PAK3: variants seen among roughly 807,000 people sequenced by gnomAD.
PAK3 encodes serine/threonine-protein kinase PAK 3.
Under a neutral mutation model 41.0 loss-of-function variants are expected in PAK3, and 4 were observed. The observed-to-expected ratio is 0.10, with a 90% confidence interval of 0.05 to 0.22. The LOEUF (loss-of-function observed/expected upper bound fraction) is 0.22. Among genes scored for constraint, PAK3 ranks in the 10% least tolerant of loss-of-function variants. PAK3 has a pLI of 1.00. For synonymous variants in PAK3, 146 were observed against 139.6 expected, an observed-to-expected ratio of 1.05 and a Z score of -0.32; for missense variants, 205 against 409.9, an observed-to-expected ratio of 0.50 and a Z score of 4.32.
At position 111,163,040 on chromosome X, in the gene PAK3, A is replaced by G. The variant is rs749903641; in HGVS notation, c.594A>G (p.Thr198=). ...TTATCGCACCAAGACCAGAGCATAC[A>G]AAATCAGTAAGTCACAAAGGACTAT... The part of the protein sequence containing the change: ...PPVIAPRPEH[T]KSIYTRSVVE... Residue 198 remains threonine (T), a synonymous_variant, in exon 9 of 18, where the codon ACA becomes ACG. Coordinates refer to ENST00000372007, the MANE Select transcript of PAK3 (RefSeq NM_002578.5). 8.3e-6 allele frequency: 10 copies of G among 1,205,452 alleles called. No homozygotes were observed. In the Admixed American group the frequency reaches 1.3e-4, roughly 16 times the overall value.
At chrX:111,164,366 A>T (rs759978575) in intron 10 of PAK3, among the ~76,000 whole-genome samples, 7 of 111,221 alleles carry the variant, frequency 6.3e-5, no homozygotes, top group Non-Finnish European at 1.9e-5. Context: ...TTAAACTCAT[A>T]CTATAAAAGC....
chrX:111,179,651 A>G (rs1213201188), intron 11 of PAK3, among the ~76,000 whole-genome samples: 1 of 111,533 alleles, frequency 9.0e-6, no homozygotes, highest in Non-Finnish European at 1.9e-5. Flanking sequence ...ATTTGTTCAA[A>G]TCAACATCCA....
At chrX:111,059,202 A>C (rs1042472492) in intron 1 of PAK3, among the ~76,000 whole-genome samples, 16 of 101,106 alleles carry the variant, frequency 1.6e-4, no homozygotes, top group Non-Finnish European at 2.2e-4. Context: ...ACAGGGTATC[A>C]CTTTGTCACC....
chrX:111,001,456 G>A (rs2091847254), intron 1 of PAK3, among the ~76,000 whole-genome samples: 1 of 112,092 alleles, frequency 8.9e-6, no homozygotes, highest in South Asian at 3.8e-4. Flanking sequence ...GTGTGGCACT[G>A]GTATCACACA....
intron 4 of PAK3, among the ~76,000 whole-genome samples, chrX:111,118,298 G>C (rs2093503462): frequency 9.0e-6 from 1 of 111,315 alleles, no homozygotes; most frequent in Non-Finnish European, 1.9e-5. Flanking sequence ...GCATAGGCTA[G>C]TTAGCAAAGC....
At chrX:111,192,640 GTACTTATA>G in intron 13 of PAK3, 22 bp downstream of exon 13, 2 of 725,620 alleles carry the variant, frequency 2.8e-6, no homozygotes, top group Non-Finnish European at 4.4e-6. Context: ...GTCTTATTAT[GTACTTATA>G]TTCTTTGTGG....
At position 111,220,684 on chromosome X, in the gene PAK3, C is replaced by CAA; in HGVS notation, c.*237_*238insAA. On this transcript the variant is annotated 3_prime_UTR_variant, in exon 18 of 18. Transcript: ENST00000372007. ...TGAAGTGACCATAAAGTGGTCACTT[C>CAA]CACCGTGAAGCGAAAGAGCCAGTAG... 4 of 401,773 alleles carry CAA rather than the reference C, an allele frequency of 1.0e-5. No individual in the cohort carries two copies. The highest frequency in any genetic ancestry group is 4.1e-5 in the South Asian group (1 of 24,488). The allele number at this position is 401,773 out of a possible 1,213,427, so 33.1% of individuals were successfully genotyped here. A position where few individuals can be genotyped will look rare whatever the true frequency, so the allele number is the denominator to read the frequency against.
intron 1 of PAK3, among the ~76,000 whole-genome samples, chrX:111,008,644 G>A (rs187779509): frequency 1.2e-3 from 137 of 112,586 alleles, no homozygotes; most frequent in Admixed American, 3.1e-3. Context: ...CTTGCTGGGT[G>A]ACTTTCTAGC....
At chrX:110,987,733 C>G (rs1413249900) in intron 1 of PAK3, among the ~76,000 whole-genome samples, 1 of 111,072 alleles carries the variant, frequency 9.0e-6, no homozygotes, top group South Asian at 3.9e-4. Flanking sequence ...TGGTGGTTGA[C>G]CTGGAATTTG....
intron 1 of PAK3, among the ~76,000 whole-genome samples, chrX:111,023,581 A>G (rs746690618): frequency 8.9e-6 from 1 of 112,114 alleles, no homozygotes; most frequent in African/African-American, 3.2e-5. Context: ...AATGATTGCC[A>G]TTCTAACAGG....
chrX:111,073,136 G>A (rs2092759054), intron 1 of PAK3, among the ~76,000 whole-genome samples: 1 of 111,261 alleles, frequency 9.0e-6, no homozygotes, highest in African/African-American at 3.3e-5. Context: ...GACTGGGTTG[G>A]AGGGGCTACC....
At chrX:111,017,322 T>C (rs1453831592) in intron 1 of PAK3, among the ~76,000 whole-genome samples, 1 of 110,879 alleles carries the variant, frequency 9.0e-6, no homozygotes, top group Non-Finnish European at 1.9e-5. Flanking sequence ...TTTGAAAAGA[T>C]CAACAAAATT....
chrX:111,052,387 A>G (rs1037656328), intron 1 of PAK3, among the ~76,000 whole-genome samples: 1 of 112,558 alleles, frequency 8.9e-6, no homozygotes, highest in African/African-American at 3.2e-5. Flanking sequence ...TTTGTCATAG[A>G]TAATACAAAT....
intron 1 of PAK3, among the ~76,000 whole-genome samples, chrX:111,080,569 C>G (rs760835833): frequency 1.8e-5 from 2 of 112,005 alleles, no homozygotes; most frequent in Admixed American, 1.9e-4. Flanking sequence ...GCAATATTTG[C>G]TTTAATTGAA....
At chrX:110,951,162 C>T (rs756120018) in intron 1 of PAK3, among the ~76,000 whole-genome samples, 4 of 111,563 alleles carry the variant, frequency 3.6e-5, no homozygotes, top group Non-Finnish European at 7.5e-5. Context: ...TAACTGGGTT[C>T]TCCTTCTTTT....
At chrX:111,214,186 T>C (rs1254393000) in intron 16 of PAK3, among the ~76,000 whole-genome samples, 4 of 112,114 alleles carry the variant, frequency 3.6e-5, no homozygotes, top group Non-Finnish European at 7.5e-5. Context: ...CACACATTGC[T>C]ATGCAAGACA....
chrX:111,050,312 A>G (rs2092545188), intron 1 of PAK3, among the ~76,000 whole-genome samples: 1 of 111,459 alleles, frequency 9.0e-6, no homozygotes, highest in African/African-American at 3.3e-5. Context: ...ATATCAAGAT[A>G]AGCAATGGAG....
At chrX:111,094,675 A>G (rs1439997180), upstream of PAK3, among the ~76,000 whole-genome samples, 1 of 95,649 alleles carries the variant, frequency 1.0e-5, no homozygotes, top group African/African-American at 3.9e-5. Flanking sequence ...GCGAATCTGT[A>G]GCTCTTTTTT....
chrX:111,133,097 A>C (rs988033603), intron 5 of PAK3, among the ~76,000 whole-genome samples: 5 of 111,353 alleles, frequency 4.5e-5, no homozygotes, highest in Non-Finnish European at 9.4e-5. Flanking sequence ...GTCTTCTCAC[A>C]CCTTTTTTTG....
Sources: allele counts gnomAD v4.1 joint callset (sites outside exome capture counted in the v4.1 genomes callset), GRCh38; gene constraint gnomAD v4.1.1; transcripts MANE v1.5; gene names NCBI Gene and HGNC (gene_info 2026-07-23, HGNC 2026-07-21).